ADGRG4: variants seen among roughly 807,000 people sequenced by gnomAD.
The protein encoded by ADGRG4 is G protein-coupled receptor 112.
Under a neutral mutation model 126.2 loss-of-function variants are expected in ADGRG4, and 122 were observed. That is an observed-to-expected ratio of 0.97 (90% confidence interval 0.83 to 1.12). ADGRG4 has a LOEUF of 1.12. Ranked by LOEUF, ADGRG4 falls within the 50% of genes most tolerant of loss-of-function variation. ADGRG4 has a pLI of 0.00. For missense variants in ADGRG4, 2,481 were observed against 2,251.8 expected, an observed-to-expected ratio of 1.10 and a Z score of -2.06; for synonymous variants, 943 against 838.7, an observed-to-expected ratio of 1.12 and a Z score of -2.15.
At chrX:136,322,015 T>C (rs1035737108) in intron 4 of ADGRG4, among the ~76,000 whole-genome samples, 7 of 111,685 alleles carry the variant, frequency 6.3e-5, no homozygotes, top group African/African-American at 2.3e-4. Flanking sequence ...AGTTACTTGC[T>C]CAAAGTTCCA....
chrX:136,317,499 C>CAAAAAAAAAAA (rs35736381), intron 4 of ADGRG4, among the ~76,000 whole-genome samples: 3 of 40,644 alleles, frequency 7.4e-5, no homozygotes, highest in Non-Finnish European at 1.3e-4. Context: ...GACTCCATCT[C>CAAAAAAAAAAA]AAAAAAAAAA....
rs1474832544 is a variant in ADGRG4, at chrX:136,346,767, G to A, written c.3061G>A (p.Gly1021Ser). 1 of 1,211,209 alleles carries A rather than the reference G, an allele frequency of 8.3e-7. No individual in the cohort carries two copies. Residue 1021 changes from glycine (G) to serine (S), a missense_variant, in exon 6 of 26, where the codon GGC becomes AGC. Gly to Ser is a moderately conservative substitution (Grantham distance 56). Coordinates refer to ENST00000394143, the MANE Select transcript of ADGRG4 (RefSeq NM_153834.4). ...TCATATGTTCTCATTGCCAGTTAAT[G>A]GCAGTTCTGTGGTGGCTGAGGAGAC... The part of the protein sequence containing the change: ...VTHMFSLPVN[G>S]SSVVAEETEV...
chrX:136,317,459 C>T (rs189436689), intron 4 of ADGRG4, among the ~76,000 whole-genome samples: 1,408 of 98,000 alleles, frequency 0.014, 14 homozygotes, highest in Non-Finnish European at 0.022. Flanking sequence ...AAGATTGCAC[C>T]GCTGCACTCC....
At chrX:136,405,594 C>T in intron 22 of ADGRG4, 98 bp from the exon 23 acceptor site, 1 of 675,563 alleles carries the variant, frequency 1.5e-6, no homozygotes, top group Non-Finnish European at 2.1e-6. Flanking sequence ...GGGCAGATGC[C>T]CTTAGGGTGA....
chrX:136,358,806 A>G (rs1200027323), intron 10 of ADGRG4, among the ~76,000 whole-genome samples: 5 of 112,271 alleles, frequency 4.5e-5, no homozygotes. Context: ...GTTAGCTACT[A>G]TCATTATCAT....
intron 13 of ADGRG4, among the ~76,000 whole-genome samples, chrX:136,367,709 T>C (rs1427319757): frequency 8.9e-6 from 1 of 112,122 alleles, no homozygotes; most frequent in Non-Finnish European, 1.9e-5. Flanking sequence ...TAATGAACAA[T>C]GAATACAATA....
Position 136,400,117 on chromosome X carries a change from G to T in ADGRG4, c.8575+1G>T. ...CTTAAATTTTGTCTAGTTGGTTGGG[G>T]TAAGTATATCTGCCATTGTTTTTGA... is the stretch of plus-strand genomic sequence containing the variant. On this transcript the variant is annotated splice_donor_variant, in intron 21 of 25. Coordinates refer to ENST00000394143, the MANE Select transcript of ADGRG4 (RefSeq NM_153834.4). LOFTEE classifies it high-confidence loss of function. 1 of 1,169,404 alleles carries T rather than the reference G, an allele frequency of 8.6e-7. No homozygotes were observed. The highest frequency in any genetic ancestry group is 1.2e-6 in the Non-Finnish European group (1 of 859,343).
In ADGRG4 at chrX:136,349,260, A is replaced by T. The variant is rs766465143; in HGVS notation, c.5554A>T (p.Thr1852Ser). 1 of 1,200,270 alleles carries T rather than the reference A, an allele frequency of 8.3e-7. No individual in the cohort carries two copies. The highest frequency in any genetic ancestry group is 1.8e-5 in the South Asian group (1 of 56,463). ...TGAAGCTGAGATCTCTACTCCAAAG[A>T]CCTCTCCTCCTCCCACATCCCAAAT... ...STEAEISTPKTSPPPTSQMVE... is the reference protein window; with the variant it reads ...STEAEISTPKSSPPPTSQMVE... Residue 1852 changes from threonine (T) to serine (S), a missense_variant, in exon 6 of 26, where the codon ACC becomes TCC. Thr to Ser is a moderately conservative substitution (Grantham distance 58). Transcript: ENST00000394143.
chrX:136,415,450 C>T (rs2075470593), intron 25 of ADGRG4, among the ~76,000 whole-genome samples: 1 of 111,266 alleles, frequency 9.0e-6, no homozygotes, highest in African/African-American at 3.3e-5. Flanking sequence ...CTCTTAAGTG[C>T]CTGCCAGTTT....
chrX:136,348,781 C>T lies in ADGRG4; in HGVS notation c.5075C>T (p.Pro1692Leu), dbSNP rs1473280385. The T allele has an allele frequency of 1.7e-6, 2 of 1,205,978 alleles. No individual in the cohort carries two copies. The highest frequency in any genetic ancestry group is 3.6e-5 in the African/African-American group (2 of 56,310). Reference sequence around the variant, plus strand: ...AGCACTGGAGCTATTTCCTCCATTCCAAAGACCACATTTTCACCATTTCTA... The same window carrying T: ...AGCACTGGAGCTATTTCCTCCATTCTAAAGACCACATTTTCACCATTTCTA... The part of the protein sequence containing the change: ...SKSTGAISSI[P>L]KTTFSPFLSA... The change falls in exon 6 of 26, where the codon CCA becomes CTA. Residue 1692 changes from proline to leucine, a missense_variant. Transcript: ENST00000394143.
At chrX:136,396,366 C>CATATATATATATATATAT (rs747291704) in intron 19 of ADGRG4, among the ~76,000 whole-genome samples, 4 of 95,042 alleles carry the variant, frequency 4.2e-5, no homozygotes, top group African/African-American at 1.5e-4. Context: ...ATTTATTTTA[C>CATATATATATATATATAT]ATATATATAT....
Position 136,349,370 on chromosome X carries a change from T to C in ADGRG4, c.5664T>C (p.Ala1888=). 8.3e-7 allele frequency: 1 copy of C among 1,206,640 alleles called. No individual in the cohort carries two copies. Among genetic ancestry groups the C allele is most frequent in the Non-Finnish European group, 1.1e-6 (1 of 891,056 alleles). ...TGACTTCCTGGAACATACCCACAGC[T>C]GAAGGTTCTCAGTTTCCAATTTCCA... The part of the protein sequence containing the change: ...LLMTSWNIPT[A]EGSQFPISTT... The change falls in exon 6 of 26, where the codon GCT becomes GCC. Residue 1888 remains alanine, a synonymous_variant. Transcript: ENST00000394143.
In ADGRG4 at chrX:136,346,970, T is replaced by C. The variant is rs2075021764; in HGVS notation, c.3264T>C (p.Thr1088=). The change falls in exon 6 of 26, where the codon ACT becomes ACC. Residue 1088 remains threonine (T), a synonymous_variant. Coordinates refer to ENST00000394143, the MANE Select transcript of ADGRG4 (RefSeq NM_153834.4). The stretch of plus-strand genomic sequence containing the variant: ...CCCATGGAGACTTGATTCGTACCAC[T>C]TCAGAGGCCACGGTAATCTCTGTCA... ...VPTHGDLIRT[T]SEATVISVRK... is the part of the protein sequence containing the mutation. 1.7e-6 allele frequency: 2 copies of C among 1,210,675 alleles called. No homozygotes were observed. Among genetic ancestry groups the C allele is most frequent in the East Asian group, 5.9e-5 (2 of 33,823 alleles).
chrX:136,332,909 C>A (rs1402924671), intron 5 of ADGRG4, among the ~76,000 whole-genome samples: 18 of 110,712 alleles, frequency 1.6e-4, no homozygotes, highest in African/African-American at 5.9e-4. Context: ...GATATTAGCC[C>A]TTTTCAGATG....
In ADGRG4 at chrX:136,347,148, C is replaced by T; in HGVS notation, c.3442C>T (p.Pro1148Ser). The part of the protein sequence containing the change: ...PSTHTLVCSK[P>S]PPDNIPPASS... ...TACACACACTCTTGTCTGCTCAAAACCTCCCCCTGACAACATTCCTCCTGC... is the reference window on the plus strand; with the variant it reads ...TACACACACTCTTGTCTGCTCAAAATCTCCCCCTGACAACATTCCTCCTGC... The change falls in exon 6 of 26, where the codon CCT becomes TCT. Residue 1148 changes from proline to serine, a missense_variant. Coordinates refer to ENST00000394143, the MANE Select transcript of ADGRG4 (RefSeq NM_153834.4). The T allele has an allele frequency of 8.3e-7, 1 of 1,211,081 alleles. No individual in the cohort carries two copies. The highest frequency in any genetic ancestry group is 1.1e-6 in the Non-Finnish European group (1 of 895,097).
chrX:136,312,232 T>C (rs1389785748), intron 4 of ADGRG4, among the ~76,000 whole-genome samples: 1 of 112,551 alleles, frequency 8.9e-6, no homozygotes, highest in African/African-American at 3.2e-5. Flanking sequence ...ATATTAGGCA[T>C]TGCAGATACA....
At chrX:136,378,233 G>A (rs2067539812) in intron 15 of ADGRG4, among the ~76,000 whole-genome samples, 1 of 110,957 alleles carries the variant, frequency 9.0e-6, no homozygotes, top group Non-Finnish European at 1.9e-5. Flanking sequence ...GTTGAAAATG[G>A]AATAGTTTTA....
chrX:136,399,616 T>C lies in ADGRG4; in HGVS notation c.8307-232T>C, dbSNP rs73637921. On this transcript the variant is annotated intron_variant, in intron 20 of 25. Transcript: ENST00000394143. ...TTCTAAAAGATAAAAAGAAAAATAA[T>C]AGCCTCTCTCAACTGCGTAGTTGAG... 7.0e-3 allele frequency among the ~76,000 whole-genome samples: 769 copies of C among 110,020 alleles called. 9 individuals are homozygous for C. The highest frequency in any genetic ancestry group is 0.024 in the African/African-American group (726 of 30,311).
At chrX:136,391,698 T>C (rs1237632378) in intron 16 of ADGRG4, among the ~76,000 whole-genome samples, 1 of 112,531 alleles carries the variant, frequency 8.9e-6, no homozygotes, top group Non-Finnish European at 1.9e-5. Context: ...GGCTCTGGCC[T>C]CAGAGCTCAC....
Sources: allele counts gnomAD v4.1 joint callset (sites outside exome capture counted in the v4.1 genomes callset), GRCh38; gene constraint gnomAD v4.1.1; transcripts MANE v1.5; gene names NCBI Gene and HGNC (gene_info 2026-07-23, HGNC 2026-07-21).